The following PPFIA2 variants were observed in gnomAD, a reference collection of about 807,000 sequenced individuals.
PPFIA2 encodes the protein PPFI scaffold protein A2, also known as liprin-alpha-2.
Under a neutral mutation model 175.5 loss-of-function variants are expected in PPFIA2, and 46 were observed. That is an observed-to-expected ratio of 0.26 (90% CI 0.21 to 0.34). The LOEUF (loss-of-function observed/expected upper bound fraction) is 0.34, where lower values mean the gene tolerates loss of function less well. Ranked by LOEUF, PPFIA2 falls within the 10% of genes least tolerant of loss-of-function variation. PPFIA2 has a pLI of 1.00. For missense variants in PPFIA2, 1,179 were observed against 1,506.1 expected (o/e 0.78, Z 3.60); for synonymous variants, 568 against 511.4 (o/e 1.11, Z -1.49).
chr12:81,603,044 A>C (rs930324798), intron 4 of PPFIA2, among the ~76,000 whole-genome samples: 1 of 151,860 alleles, frequency 6.6e-6, no homozygotes, highest in Non-Finnish European at 1.5e-5. Context: ...TCTAATCAAT[A>C]TAATCAAAAA....
At chr12:81,654,360 A>T (rs916765478) in intron 4 of PPFIA2, among the ~76,000 whole-genome samples, 1 of 152,068 alleles carries the variant, frequency 6.6e-6, no homozygotes, top group Admixed American at 6.6e-5. Flanking sequence ...AAAAACTGCG[A>T]GACACTTGAT....
chr12:81,399,290 CAAAAAA>C (rs543794696), intron 8 of PPFIA2, among the ~76,000 whole-genome samples: 3 of 41,998 alleles, frequency 7.1e-5, no homozygotes, highest in East Asian at 7.7e-4. Context: ...TCCTTCTTCA[CAAAAAA>C]AAAAAAAAAA....
intron 3 of PPFIA2, among the ~76,000 whole-genome samples, chr12:81,725,635 A>G (rs2079969929): frequency 6.6e-6 from 1 of 150,920 alleles, no homozygotes; most frequent in African/African-American, 2.4e-5. Flanking sequence ...GAGAAAGTAG[A>G]ATAAAGTATT....
chr12:81,616,467 G>A (rs951400188), intron 4 of PPFIA2, among the ~76,000 whole-genome samples: 5 of 152,108 alleles, frequency 3.3e-5, no homozygotes, highest in Non-Finnish European at 7.4e-5. Context: ...CTTAGAGAGA[G>A]AATGATCCCA....
At chr12:81,693,892 T>C (rs111887222) in intron 3 of PPFIA2, among the ~76,000 whole-genome samples, 5,616 of 152,260 alleles carry the variant, frequency 0.037, 134 homozygotes, top group Middle Eastern at 0.068. Context: ...AGATCTTGGC[T>C]GCATTCTGTT....
intron 8 of PPFIA2, among the ~76,000 whole-genome samples, chr12:81,403,506 ACT>A (rs1022773159): frequency 1.3e-5 from 2 of 152,120 alleles, no homozygotes; most frequent in Non-Finnish European, 2.9e-5. Context: ...TGGTTGTTAA[ACT>A]CTCTCTGTAA....
At chr12:81,578,822 T>C (rs954952064) in intron 4 of PPFIA2, among the ~76,000 whole-genome samples, 1 of 151,810 alleles carries the variant, frequency 6.6e-6, no homozygotes. Context: ...TCAGGAAATA[T>C]TGTCTGCTCT....
At chr12:81,286,226 G>T (rs180934470) in intron 24 of PPFIA2, among the ~76,000 whole-genome samples, 2 of 151,968 alleles carry the variant, frequency 1.3e-5, no homozygotes, top group East Asian at 3.9e-4. Context: ...CAAAAAAAAA[G>T]ATTTATAAAT....
intron 4 of PPFIA2, chr12:81,535,583 G>A (rs1015648206): frequency 2.6e-6 from 1 of 384,336 alleles, no homozygotes; most frequent in Non-Finnish European, 5.1e-6. Flanking sequence ...ATACTACCTT[G>A]GCAAGGGAGG....
chr12:81,449,885 C>T (rs879839061), intron 5 of PPFIA2, among the ~76,000 whole-genome samples: 11 of 149,370 alleles, frequency 7.4e-5, no homozygotes, highest in Non-Finnish European at 1.0e-4. Context: ...TGAAAACATG[C>T]GGTGTTTGGT....
chr12:81,442,663 T>A (rs2050384352), intron 6 of PPFIA2, among the ~76,000 whole-genome samples: 1 of 150,816 alleles, frequency 6.6e-6, no homozygotes, highest in African/African-American at 2.4e-5. Flanking sequence ...TATTCTATGC[T>A]ACAACTTGGT....
chr12:81,621,480 C>A (rs964902937), intron 4 of PPFIA2, among the ~76,000 whole-genome samples: 4 of 152,106 alleles, frequency 2.6e-5, no homozygotes, highest in African/African-American at 9.7e-5. Context: ...GAATAAATGA[C>A]CAAGATTTTG....
At chr12:81,647,738 T>C (rs1012643524) in intron 4 of PPFIA2, among the ~76,000 whole-genome samples, 12 of 145,158 alleles carry the variant, frequency 8.3e-5, no homozygotes, top group Non-Finnish European at 1.3e-4. Flanking sequence ...TCCAGCCTGG[T>C]CAACAGAGCA....
In PPFIA2 at chr12:81,602,398, G is replaced by T. The variant is rs1269406051; in HGVS notation, c.303+74393C>A. ...TAATTTTCAGTTTTGTAGATTTATT[G>T]TTGAGAAACTCTGTTCCCAGAAGTA... On this transcript the variant is annotated intron_variant, in intron 4 of 32. Coordinates refer to ENST00000549396, the MANE Select transcript of PPFIA2 (RefSeq NM_003625.5). 4.0e-5 allele frequency among the ~76,000 whole-genome samples: 6 copies of T among 151,846 alleles called. No homozygotes were observed. In the East Asian group the frequency reaches 1.2e-3, roughly 29 times the overall value.
At chr12:81,264,068 T>C (rs904057634) in intron 30 of PPFIA2, among the ~76,000 whole-genome samples, 3 of 152,170 alleles carry the variant, frequency 2.0e-5, no homozygotes, top group African/African-American at 7.2e-5. Flanking sequence ...ATTTTAATAA[T>C]GTGTATTTTA....
At chr12:81,357,954 G>A in intron 16 of PPFIA2, 128 bp downstream of exon 16, 1 of 990,346 alleles carries the variant, frequency 1.0e-6, no homozygotes, top group Non-Finnish European at 1.4e-6. Context: ...TTTTAAAAAT[G>A]TCATACTCTG....
chr12:81,264,589 A>G (rs1368606071), intron 30 of PPFIA2, among the ~76,000 whole-genome samples: 1 of 152,214 alleles, frequency 6.6e-6, no homozygotes, highest in African/African-American at 2.4e-5. Context: ...AATTTGTGCT[A>G]TGTTATAGTG....
Position 81,450,921 on chromosome 12 carries a change from C to T in PPFIA2, c.406-5201G>A, listed in dbSNP as rs755839802. Among the ~76,000 whole-genome samples the T allele has an allele frequency of 4.6e-5, 7 of 152,144 alleles. No individual in the cohort carries two copies. In the South Asian group the frequency reaches 6.2e-4, roughly 14 times the overall value. On this transcript the variant is annotated intron_variant, in intron 5 of 32. Coordinates refer to ENST00000549396, the MANE Select transcript of PPFIA2 (RefSeq NM_003625.5). ...ATACATTGCTAAGTAGGAATTCTAT[C>T]ATCCTGGAATTAGTATATCCTCAGA...
intron 3 of PPFIA2, among the ~76,000 whole-genome samples, chr12:81,703,502 A>C (rs67620345): frequency 0.34 from 51,871 of 151,710 alleles, 9,732 homozygotes; most frequent in Middle Eastern, 0.49. Flanking sequence ...GCTCAACTGT[A>C]CCAACCCACT....
Sources: allele counts gnomAD v4.1 joint callset (sites outside exome capture counted in the v4.1 genomes callset), GRCh38; gene constraint gnomAD v4.1.1; transcripts MANE v1.5; gene names NCBI Gene and HGNC (gene_info 2026-07-23, HGNC 2026-07-21).